The following PPARGC1B variants were observed in gnomAD, a reference collection of about 807,000 sequenced individuals.
PPARGC1B encodes the protein PPARG coactivator 1 beta.
Under a neutral mutation model 101.6 loss-of-function variants are expected in PPARGC1B, and 34 were observed. The observed-to-expected ratio is 0.33, with a 90% CI of 0.25 to 0.45. PPARGC1B has a LOEUF of 0.45. PPARGC1B is among the 20% of genes least tolerant of loss of function. The pLI is 1.00. For missense variants in PPARGC1B, 1,234 were observed against 1,317.6 expected (o/e 0.94, Z 0.98); for synonymous variants, 548 against 539.3 (o/e 1.02, Z -0.22).
chr5:149,747,310 G>A (rs923302617), intron 1 of PPARGC1B, among the ~76,000 whole-genome samples: 2 of 152,102 alleles, frequency 1.3e-5, no homozygotes, highest in African/African-American at 4.8e-5. Context: ...TCATTCCTTC[G>A]CATAACTGAA....
chr5:149,818,488 C>A (rs6579759), intron 1 of PPARGC1B, among the ~76,000 whole-genome samples: 2,111 of 152,254 alleles, frequency 0.014, 50 homozygotes, highest in African/African-American at 0.048. Flanking sequence ...AGGACCTGGG[C>A]CTGTTGCCGC....
rs32578 is a variant in PPARGC1B at position 149,832,305 on chromosome 5, G to A, written c.583-351G>A. Among the ~76,000 whole-genome samples, 62,802 of 151,972 alleles carry A rather than the reference G, an allele frequency of 0.41. 13,891 individuals are homozygous for A. The highest frequency in any genetic ancestry group is 0.57 in the African/African-American group (23,714 of 41,436). ...CTCATTTGTAGCAAGTCCTTCCTAC[G>A]CCCAGCTCCAGGCTACCATGAACCT... On this transcript the variant is annotated intron_variant, in intron 4 of 11. Coordinates refer to ENST00000309241, the MANE Select transcript of PPARGC1B (RefSeq NM_133263.4). This position sits in a 1 kb window ranked among gnomAD's most constrained non-coding sequence, Gnocchi z 4.9.
chr5:149,804,708 C>T (rs567234800), intron 1 of PPARGC1B, among the ~76,000 whole-genome samples: 53 of 152,232 alleles, frequency 3.5e-4, no homozygotes, highest in Non-Finnish European at 1.8e-4. Context: ...ATGTAATCCC[C>T]GTGAGTGGAA....
Position 149,847,631 on chromosome 5 carries a change from G to T in PPARGC1B, c.*73G>T. 8.3e-7 allele frequency: 1 copy of T among 1,200,200 alleles called. No individual in the cohort carries two copies. Among genetic ancestry groups the T allele is most frequent in the Non-Finnish European group, 1.2e-6 (1 of 817,726 alleles). The allele number at this position is 1,200,200 out of a possible 1,614,324, so 74.3% of individuals were successfully genotyped here. ...CTTCCAATATGTTTACGTTTTCAAA[G>T]AAATCAAGTATATGAGGAGAGCGAG... On this transcript the variant is annotated 3_prime_UTR_variant, in exon 12 of 12. Coordinates refer to ENST00000309241, the MANE Select transcript of PPARGC1B (RefSeq NM_133263.4).
chr5:149,739,481 G>A (rs1192203446), intron 1 of PPARGC1B, among the ~76,000 whole-genome samples: 1 of 152,204 alleles, frequency 6.6e-6, no homozygotes, highest in Non-Finnish European at 1.5e-5. Flanking sequence ...CAGGCTTGGG[G>A]CAGGGGGCCC....
At chr5:149,846,611 GC>G (rs1247007269) in intron 11 of PPARGC1B, 5 of 151,592 alleles carry the variant, frequency 3.3e-5, no homozygotes, top group African/African-American at 1.2e-4. Flanking sequence ...TCCAGCCTGG[GC>G]AACAGAGCAA....
chr5:149,820,513 C>T lies in PPARGC1B; in HGVS notation c.159C>T (p.Asp53=). 6.2e-7 allele frequency: 1 copy of T among 1,614,112 alleles called. No homozygotes were observed. The highest frequency in any genetic ancestry group is 8.5e-7 in the Non-Finnish European group (1 of 1,180,016). Residue 53 remains aspartate (D), a synonymous_variant, in exon 2 of 12, where the codon GAC becomes GAT. Coordinates refer to ENST00000309241, the MANE Select transcript of PPARGC1B (RefSeq NM_133263.4). The stretch of plus-strand genomic sequence containing the variant: ...CCCAGCTGGATGCCAGCGACTTTGA[C>T]TCGGCCACCTGCTTTGGGGAGCTGC... ...DLSQLDASDF[D]SATCFGELQW...
rs140848849 is a variant in PPARGC1B at position 149,845,834 on chromosome 5, T to C, written c.2891T>C (p.Leu964Pro). ...CTCTCTTTGACAAAGGGCGCTGCCCTGAGGAAGCGCAACGAGCCCTCCTTC... is the reference window on the plus strand; with the variant it reads ...CTCTCTTTGACAAAGGGCGCTGCCCCGAGGAAGCGCAACGAGCCCTCCTTC... The part of the protein sequence containing the change: ...AALSLTKGAA[L>P]RKRNEPSFQL... Residue 964 changes from leucine to proline, a missense_variant, in exon 11 of 12, where the codon CTG (leucine) becomes CCG (proline). Physicochemically the swap from Leu to Pro is moderately conservative, Grantham distance 98 (BLOSUM62 -3). Transcript: ENST00000309241. The C allele has an allele frequency of 1.4e-5, 22 of 1,614,084 alleles. No individual in the cohort carries two copies. In the African/African-American group the frequency reaches 2.9e-4, roughly 22 times the overall value.
At position 149,833,602 on chromosome 5, in the gene PPARGC1B, G is replaced by T; in HGVS notation, c.1529G>T (p.Cys510Phe). Residue 510 changes from cysteine to phenylalanine, a missense_variant, in exon 5 of 12, where the codon TGC (cysteine) becomes TTC (phenylalanine). By Grantham distance (205) the Cys-to-Phe change is radical (BLOSUM62 -2). This residue lies in a region of PPARGC1B where 734 missense variants were observed against 768.4 expected (regional missense o/e 0.96). Transcript: ENST00000309241. The surrounding 1 kb of genome is among the most constrained non-coding windows in gnomAD (Gnocchi z 4.1). ...SEPQGALPSL[C>F]LAPKAYDVER... ...CCCCAAGGTGCTCTGCCCTCACTGT[G>T]CCTGGCTCCCAAGGCCTACGACGTA... 1 of 1,607,258 alleles carries T rather than the reference G, an allele frequency of 6.2e-7. No homozygotes were observed. Among genetic ancestry groups the T allele is most frequent in the Non-Finnish European group, 8.5e-7 (1 of 1,177,170 alleles).
At chr5:149,811,014 G>A (rs916320574) in intron 1 of PPARGC1B, among the ~76,000 whole-genome samples, 6 of 152,214 alleles carry the variant, frequency 3.9e-5, no homozygotes, top group Non-Finnish European at 5.9e-5. Flanking sequence ...GCTGGGAGGT[G>A]CAGGGAGGCT....
chr5:149,838,021 G>GACT (rs1269798592), intron 8 of PPARGC1B, among the ~76,000 whole-genome samples: 2 of 152,200 alleles, frequency 1.3e-5, no homozygotes, highest in Non-Finnish European at 2.9e-5. Context: ...AAGTCCCCAG[G>GACT]TGATGATGAT....
chr5:149,806,808 A>G (rs1013952679), intron 1 of PPARGC1B, among the ~76,000 whole-genome samples: 5 of 151,886 alleles, frequency 3.3e-5, no homozygotes, highest in African/African-American at 7.3e-5. Flanking sequence ...GGGTTTCACC[A>G]TATTGGTCAG....
intron 1 of PPARGC1B, among the ~76,000 whole-genome samples, chr5:149,777,137 C>G (rs1471003099): frequency 6.6e-6 from 1 of 152,188 alleles, no homozygotes; most frequent in Non-Finnish European, 1.5e-5. Context: ...TGTTCTTCTT[C>G]TTGTTTTTGC....
At chr5:149,823,450 T>C (rs1758381642) in intron 2 of PPARGC1B, among the ~76,000 whole-genome samples, 1 of 152,200 alleles carries the variant, frequency 6.6e-6, no homozygotes, top group African/African-American at 2.4e-5. Context: ...CAAGCCACTC[T>C]AGGTCCTCAA....
intron 1 of PPARGC1B, among the ~76,000 whole-genome samples, chr5:149,755,705 G>A (rs754158459): frequency 1.1e-4 from 16 of 150,442 alleles, no homozygotes; most frequent in African/African-American, 3.4e-4. Flanking sequence ...GTACAATGGC[G>A]CGATCTTGGC....
chr5:149,829,727 T>A (rs1204664491), intron 3 of PPARGC1B, among the ~76,000 whole-genome samples: 1 of 151,230 alleles, frequency 6.6e-6, no homozygotes, highest in Admixed American at 6.6e-5. Context: ...AGTGTAGTCT[T>A]CCACTTGTGT....
chr5:149,766,499 G>T (rs1755917356), intron 1 of PPARGC1B, among the ~76,000 whole-genome samples: 1 of 152,216 alleles, frequency 6.6e-6, no homozygotes, highest in South Asian at 2.1e-4. Flanking sequence ...AAGTAACTGA[G>T]TAACTTGCCT....
rs77687445 is a variant in PPARGC1B, at chr5:149,833,124, G to C, written c.1051G>C (p.Val351Leu). 1 of 1,613,792 alleles carries C rather than the reference G, an allele frequency of 6.2e-7. No individual in the cohort carries two copies. Among genetic ancestry groups the C allele is most frequent in the South Asian group, 1.1e-5 (1 of 91,086 alleles). The change falls in exon 5 of 12, where the codon GTG becomes CTG. Residue 351 changes from valine (V) to leucine (L), a missense_variant. Physicochemically the swap from Val to Leu is conservative, Grantham distance 32. This residue lies in a region of PPARGC1B where 734 missense variants were observed against 768.4 expected (regional missense o/e 0.96). Coordinates refer to ENST00000309241, the MANE Select transcript of PPARGC1B (RefSeq NM_133263.4). The surrounding 1 kb of genome is among the most constrained non-coding windows in gnomAD (Gnocchi z 4.1). ...SILRELLAQD[V>L]LCDVSKPYRL... Reference sequence around the variant, plus strand: ...TCTGAGGGAACTTCTGGCTCAAGACGTGCTCTGTGATGTCAGCAAACCCTA... The same window carrying C: ...TCTGAGGGAACTTCTGGCTCAAGACCTGCTCTGTGATGTCAGCAAACCCTA...
chr5:149,820,060 G>A (rs1758222689), intron 1 of PPARGC1B, among the ~76,000 whole-genome samples: 1 of 152,166 alleles, frequency 6.6e-6, no homozygotes, highest in East Asian at 1.9e-4. Context: ...TAGAGGCATT[G>A]TTAGCTTTAA....
Sources: gnomAD v4.1 joint callset for allele counts (sites outside exome capture counted in the v4.1 genomes callset) on GRCh38, gnomAD v4.1.1 for gene constraint, gnomAD v4.1.1 regional missense constraint, Gnocchi (gnomAD v3.1) non-coding constraint, MANE v1.5 for transcripts, NCBI Gene and HGNC (gene_info 2026-07-23, HGNC 2026-07-21) for gene names.